The following KCNQ1OT1 variants were observed in gnomAD, a reference collection of about 807,000 sequenced individuals.
The protein encoded by KCNQ1OT1 is KCNQ1 antisense RNA 2 (non-protein coding).
Position 2,670,348 on chromosome 11 carries a change from T to A in KCNQ1OT1, n.29647A>T, listed in dbSNP as rs147669802. 1.6e-3 allele frequency: 624 copies of A among 398,464 alleles called. 4 individuals are homozygous for A. The highest frequency in any genetic ancestry group is 0.012 in the African/African-American group (561 of 48,686). The allele number at this position is 398,464 out of a possible 1,614,324, so 24.7% of individuals were successfully genotyped here. A position where few individuals can be genotyped will look rare whatever the true frequency, so the allele number is the denominator to read the frequency against. On this transcript the variant is annotated non_coding_transcript_exon_variant, in exon 1 of 1. Coordinates refer to ENST00000597346, the Ensembl canonical transcript of KCNQ1OT1. This position sits in a 1 kb window ranked among gnomAD's most constrained non-coding sequence, Gnocchi z 4.9. Reference sequence around the variant, plus strand: ...GTAGCAGAGTTCAGACTCAGTGGCTTTCAGATGGTTAGTATAGGCTGAAAT... The same window carrying A: ...GTAGCAGAGTTCAGACTCAGTGGCTATCAGATGGTTAGTATAGGCTGAAAT...
chr11:2,629,513 G>C, exon 1 of KCNQ1OT1: 1 of 398,376 alleles, frequency 2.5e-6, no homozygotes, highest in East Asian at 3.6e-5. Flanking sequence ...TGTATATGGA[G>C]TTAGGTAAAG....
chr11:2,651,534 G>A lies in KCNQ1OT1; in HGVS notation n.48461C>T. 2 of 398,614 alleles carry A rather than the reference G, an allele frequency of 5.0e-6. No homozygotes were observed. The highest frequency in any genetic ancestry group is 8.8e-5 in the Admixed American group (2 of 22,738). 24.7% of individuals were successfully genotyped at this position (398,614 alleles called of 1,614,324 possible). On this transcript the variant is annotated non_coding_transcript_exon_variant, in exon 1 of 1. Coordinates refer to ENST00000597346, the Ensembl canonical transcript of KCNQ1OT1. This position sits in a 1 kb window ranked among gnomAD's most constrained non-coding sequence, Gnocchi z 6.1. ...ACGTGAATGCTAAGGGCATATGAGT[G>A]TGTCCCTGAGAACATGGATATTGTG...
chr11:2,613,178 G>A lies in KCNQ1OT1; in HGVS notation n.86817C>T. 1 of 398,424 alleles carries A rather than the reference G, an allele frequency of 2.5e-6. No homozygotes were observed. The highest frequency in any genetic ancestry group is 4.4e-6 in the Non-Finnish European group (1 of 226,028). The allele number at this position is 398,424 out of a possible 1,614,324, so 24.7% of individuals were successfully genotyped here. On this transcript the variant is annotated non_coding_transcript_exon_variant, in exon 1 of 1. Transcript: ENST00000597346. This position sits in a 1 kb window ranked among gnomAD's most constrained non-coding sequence, Gnocchi z 4.8. ...GTGGGTTGGGACATTCAAAGTTCAG[G>A]CACTTTATAACTCTGTCCTGTATTT...
Position 2,678,289 on chromosome 11 carries a change from C to A in KCNQ1OT1, n.21706G>T. The A allele has an allele frequency of 2.5e-6, 1 of 398,240 alleles. No homozygotes were observed. Among genetic ancestry groups the A allele is most frequent in the Non-Finnish European group, 4.4e-6 (1 of 225,956 alleles). 24.7% of individuals were successfully genotyped at this position (398,240 alleles called of 1,614,324 possible). A position where few individuals can be genotyped will look rare whatever the true frequency, so the allele number is the denominator to read the frequency against. Reference sequence around the variant, plus strand: ...CATCCTGAAATTGTTTTAATAAATTCTTCCATGTTTTCTTCTATCATTTTT... The same window carrying A: ...CATCCTGAAATTGTTTTAATAAATTATTCCATGTTTTCTTCTATCATTTTT... On this transcript the variant is annotated non_coding_transcript_exon_variant, in exon 1 of 1. Coordinates refer to ENST00000597346, the Ensembl canonical transcript of KCNQ1OT1. The surrounding 1 kb of genome is among the most constrained non-coding windows in gnomAD (Gnocchi z 4.9).
chr11:2,680,417 A>G lies in KCNQ1OT1; in HGVS notation n.19578T>C, dbSNP rs1326967128. On this transcript the variant is annotated non_coding_transcript_exon_variant, in exon 1 of 1. Coordinates refer to ENST00000597346, the Ensembl canonical transcript of KCNQ1OT1. ...CTTCCATATTTTTTTAGATCTTTGT[A>G]TGGATTTTGGACATTCTAAAATTCA... The G allele has an allele frequency of 1.5e-5, 6 of 398,316 alleles. No individual in the cohort carries two copies. The East Asian group carries it at 2.1e-4, about 14-fold the overall frequency. The allele number at this position is 398,316 out of a possible 1,614,324, so 24.7% of individuals were successfully genotyped here. A position where few individuals can be genotyped will look rare whatever the true frequency, so the allele number is the denominator to read the frequency against.
At chr11:2,649,356 A>T (rs938281353) in exon 1 of KCNQ1OT1, 12 of 395,646 alleles carry the variant, frequency 3.0e-5, no homozygotes, top group Non-Finnish European at 4.9e-5. Flanking sequence ...TTCCTTTCTC[A>T]TTTGTGTATC....
exon 1 of KCNQ1OT1, chr11:2,643,255 G>C: frequency 2.5e-6 from 1 of 398,230 alleles, no homozygotes; most frequent in Non-Finnish European, 4.4e-6. Flanking sequence ...ACTGGAAATG[G>C]AGAATTGAAG....
In KCNQ1OT1 at chr11:2,698,538, G is replaced by T; in HGVS notation, n.1457C>A. 2.5e-6 allele frequency: 1 copy of T among 397,808 alleles called. No individual in the cohort carries two copies. The highest frequency in any genetic ancestry group is 4.4e-6 in the Non-Finnish European group (1 of 225,908). 24.6% of individuals were successfully genotyped at this position (397,808 alleles called of 1,614,324 possible). A position where few individuals can be genotyped will look rare whatever the true frequency, so the allele number is the denominator to read the frequency against. ...GTGATCACCACCCCCAACTCAGACT[G>T]CAACCTTTACTTCGCCCCCTAATTC... On this transcript the variant is annotated non_coding_transcript_exon_variant, in exon 1 of 1. Transcript: ENST00000597346. This position sits in a 1 kb window ranked among gnomAD's most constrained non-coding sequence, Gnocchi z 5.1.
chr11:2,651,159 G>A lies in KCNQ1OT1; in HGVS notation n.48836C>T. The A allele has an allele frequency of 2.5e-6, 1 of 398,646 alleles. No individual in the cohort carries two copies. Among genetic ancestry groups the A allele is most frequent in the Non-Finnish European group, 4.4e-6 (1 of 226,126 alleles). 24.7% of individuals were successfully genotyped at this position (398,646 alleles called of 1,614,324 possible). On this transcript the variant is annotated non_coding_transcript_exon_variant, in exon 1 of 1. Coordinates refer to ENST00000597346, the Ensembl canonical transcript of KCNQ1OT1. This position sits in a 1 kb window ranked among gnomAD's most constrained non-coding sequence, Gnocchi z 6.1. ...AAGGGAGTTCTTTAAATGTACAGTG[G>A]ATCTTGCTGCTTCCCTACTCAAATG...
exon 1 of KCNQ1OT1, chr11:2,610,656 A>G: frequency 5.1e-6 from 2 of 389,522 alleles, no homozygotes; most frequent in Non-Finnish European, 8.9e-6. Context: ...TTATCTGGGA[A>G]TGCTTTTATT....
At position 2,608,790 on chromosome 11, in the gene KCNQ1OT1, C is replaced by T. The variant is rs1276799308; in HGVS notation, n.91205G>A. 2.8e-5 allele frequency: 11 copies of T among 398,416 alleles called. No individual in the cohort carries two copies. Among genetic ancestry groups the T allele is most frequent in the Admixed American group, 8.8e-5 (2 of 22,692 alleles). The allele number at this position is 398,416 out of a possible 1,614,324, so 24.7% of individuals were successfully genotyped here. ...AGGTGTGAGCCACTGCAGCTAGCCT[C>T]GTTTTTTTGCTTTAATTTGTAAAAC... On this transcript the variant is annotated non_coding_transcript_exon_variant, in exon 1 of 1. Coordinates refer to ENST00000597346, the Ensembl canonical transcript of KCNQ1OT1. This position sits in a 1 kb window ranked among gnomAD's most constrained non-coding sequence, Gnocchi z 4.6.
rs1351242273 is a variant in KCNQ1OT1 at position 2,611,967 on chromosome 11, A to G, written n.88028T>C. ...CTACTCAAATATTTTTGTCTGCCCT[A>G]TTCTCTCCTTCTCAGTACTCTTATT... On this transcript the variant is annotated non_coding_transcript_exon_variant, in exon 1 of 1. Transcript: ENST00000597346. This position sits in a 1 kb window ranked among gnomAD's most constrained non-coding sequence, Gnocchi z 5.3. The G allele has an allele frequency of 2.5e-6, 1 of 396,024 alleles. No individual in the cohort carries two copies. The highest frequency in any genetic ancestry group is 3.6e-5 in the East Asian group (1 of 27,916). The allele number at this position is 396,024 out of a possible 1,614,324, so 24.5% of individuals were successfully genotyped here.
At chr11:2,616,421 TTCTC>T in exon 1 of KCNQ1OT1, 1 of 398,028 alleles carries the variant, frequency 2.5e-6, no homozygotes, top group Admixed American at 4.4e-5. Flanking sequence ...TATTATTTCA[TTCTC>T]TCTTTTAACT....
Position 2,612,955 on chromosome 11 carries a change from G to A in KCNQ1OT1, n.87040C>T, listed in dbSNP as rs1425213918. 1.0e-5 allele frequency: 4 copies of A among 398,404 alleles called. No homozygotes were observed. Among genetic ancestry groups the A allele is most frequent in the Non-Finnish European group, 1.8e-5 (4 of 226,046 alleles). 24.7% of individuals were successfully genotyped at this position (398,404 alleles called of 1,614,324 possible). A position where few individuals can be genotyped will look rare whatever the true frequency, so the allele number is the denominator to read the frequency against. ...TCTGCATGGATTCTGCAGAGTCTGT[G>A]TTCTCCTGCAGTGTGCAGCCACTGG... On this transcript the variant is annotated non_coding_transcript_exon_variant, in exon 1 of 1. Coordinates refer to ENST00000597346, the Ensembl canonical transcript of KCNQ1OT1. The surrounding 1 kb of genome is among the most constrained non-coding windows in gnomAD (Gnocchi z 5.5).
Position 2,671,543 on chromosome 11 carries a change from C to T in KCNQ1OT1, n.28452G>A. The T allele has an allele frequency of 2.5e-6, 1 of 398,622 alleles. No homozygotes were observed. 24.7% of individuals were successfully genotyped at this position (398,622 alleles called of 1,614,324 possible). ...TTTTCAAAGGTTAATTTTGACTCTG[C>T]CTGACTTATCTCCTAAGTCTTTGGC... On this transcript the variant is annotated non_coding_transcript_exon_variant, in exon 1 of 1. Coordinates refer to ENST00000597346, the Ensembl canonical transcript of KCNQ1OT1. This position sits in a 1 kb window ranked among gnomAD's most constrained non-coding sequence, Gnocchi z 4.7.
Position 2,652,791 on chromosome 11 carries a change from C to T in KCNQ1OT1, n.47204G>A, listed in dbSNP as rs1849777494. 2.5e-6 allele frequency: 1 copy of T among 399,182 alleles called. No individual in the cohort carries two copies. The highest frequency in any genetic ancestry group is 3.6e-5 in the East Asian group (1 of 28,102). 24.7% of individuals were successfully genotyped at this position (399,182 alleles called of 1,614,324 possible). A position where few individuals can be genotyped will look rare whatever the true frequency, so the allele number is the denominator to read the frequency against. ...TTCCTCAGCGCCCCCGCTACTCAGA[C>T]CCCACCCTTGGGCCTGCAGAGACAT... is the stretch of plus-strand genomic sequence containing the variant. On this transcript the variant is annotated non_coding_transcript_exon_variant, in exon 1 of 1. Coordinates refer to ENST00000597346, the Ensembl canonical transcript of KCNQ1OT1. The surrounding 1 kb of genome is among the most constrained non-coding windows in gnomAD (Gnocchi z 5.9).
In KCNQ1OT1 at chr11:2,657,141, G is replaced by A. The variant is rs950655113; in HGVS notation, n.42854C>T. ...TGACCACTGCCTTGGAAGAAGTACTGATGTTTGGTACAGCAAGTTCTCCCA... is the reference window on the plus strand; with the variant it reads ...TGACCACTGCCTTGGAAGAAGTACTAATGTTTGGTACAGCAAGTTCTCCCA... On this transcript the variant is annotated non_coding_transcript_exon_variant, in exon 1 of 1. Transcript: ENST00000597346. This position sits in a 1 kb window ranked among gnomAD's most constrained non-coding sequence, Gnocchi z 4.8. 32 of 398,476 alleles carry A rather than the reference G, an allele frequency of 8.0e-5. No individual in the cohort carries two copies. Among genetic ancestry groups the A allele is most frequent in the African/African-American group, 6.2e-4 (30 of 48,620 alleles). 24.7% of individuals were successfully genotyped at this position (398,476 alleles called of 1,614,324 possible).
Position 2,669,738 on chromosome 11 carries a change from T to C in KCNQ1OT1, n.30257A>G. On this transcript the variant is annotated non_coding_transcript_exon_variant, in exon 1 of 1. Transcript: ENST00000597346. This position sits in a 1 kb window ranked among gnomAD's most constrained non-coding sequence, Gnocchi z 5.6. Reference sequence around the variant, plus strand: ...CCTGACTCGGGGAAATGCCTGAAAATATTAGCCAGCATAGAATGTCTCTTT... The same window carrying C: ...CCTGACTCGGGGAAATGCCTGAAAACATTAGCCAGCATAGAATGTCTCTTT... The C allele has an allele frequency of 2.5e-6, 1 of 398,622 alleles. No homozygotes were observed. Among genetic ancestry groups the C allele is most frequent in the Non-Finnish European group, 4.4e-6 (1 of 226,092 alleles). 24.7% of individuals were successfully genotyped at this position (398,622 alleles called of 1,614,324 possible).
chr11:2,667,981 C>G (rs1021385707), exon 1 of KCNQ1OT1: 19 of 398,562 alleles, frequency 4.8e-5, no homozygotes, highest in African/African-American at 3.9e-4. Context: ...CTCCCATTTC[C>G]TGTCACTGAC....
Sources: gnomAD v4.1 joint callset for allele counts on GRCh38, gnomAD v4.1.1 for gene constraint, Gnocchi (gnomAD v3.1) non-coding constraint, MANE v1.5 for transcripts, NCBI Gene and HGNC (gene_info 2026-07-23, HGNC 2026-07-21) for gene names.